SBNO1: variants seen among roughly 807,000 people sequenced by gnomAD.
SBNO1 encodes the protein strawberry notch homolog 1.
In SBNO1, 23 loss-of-function variants were observed where a neutral mutation model predicts 173.6. The observed-to-expected ratio is 0.13, with a 90% CI of 0.10 to 0.19. The LOEUF (loss-of-function observed/expected upper bound fraction) is 0.19, where lower values mean the gene tolerates loss of function less well. SBNO1 is among the 10% of genes least tolerant of loss of function. The pLI, the probability that SBNO1 is intolerant of heterozygous loss-of-function variation, is 1.00. For missense variants in SBNO1, 1,238 were observed against 1,671.2 expected, an observed-to-expected ratio of 0.74 and a Z score of 4.52; for synonymous variants, 632 against 571.5, an observed-to-expected ratio of 1.11 and a Z score of -1.51.
At chr12:123,300,874 G>A (rs1348167157) in intron 30 of SBNO1, among the ~76,000 whole-genome samples, 1 of 145,248 alleles carries the variant, frequency 6.9e-6, no homozygotes, top group African/African-American at 2.6e-5. Flanking sequence ...CAGGAGAACT[G>A]CTTGAACCTG....
At chr12:123,340,327 T>G (rs1566046478) in intron 5 of SBNO1, among the ~76,000 whole-genome samples, 1 of 152,130 alleles carries the variant, frequency 6.6e-6, no homozygotes, top group Non-Finnish European at 1.5e-5. Context: ...ACGCCTGTAA[T>G]CTCAGCACTT....
In SBNO1 at chr12:123,315,611, C is replaced by G. The variant is rs748060588; in HGVS notation, c.2985G>C (p.Leu995=). ...NQVTAPEYVF[L]ISELAGEQRF... ...TTTGTTCTCCTGCCAGTTCAGATAT[C>G]AGAAAGACATACTCAGGAGCAGTAA... is the stretch of plus-strand genomic sequence containing the variant. The change falls in exon 22 of 32, where the codon CTG becomes CTC. Residue 995 remains leucine, a synonymous_variant. Coordinates refer to ENST00000602398, the MANE Select transcript of SBNO1 (RefSeq NM_001167856.3). 1.2e-6 allele frequency: 2 copies of G among 1,613,992 alleles called. No homozygotes were observed. Among genetic ancestry groups the G allele is most frequent in the East Asian group, 2.2e-5 (1 of 44,864 alleles).
At chr12:123,338,850 G>A (rs937841489) in intron 5 of SBNO1, among the ~76,000 whole-genome samples, 3 of 151,164 alleles carry the variant, frequency 2.0e-5, no homozygotes, top group African/African-American at 4.9e-5. Flanking sequence ...TCCAGCCTGG[G>A]TGACAGCAAG....
At position 123,337,348 on chromosome 12, in the gene SBNO1, T is replaced by C. The variant is rs541220649; in HGVS notation, c.652-857A>G. Among the ~76,000 whole-genome samples, 9 of 152,324 alleles carry C rather than the reference T, an allele frequency of 5.9e-5. No individual in the cohort carries two copies. In the South Asian group the frequency reaches 1.7e-3, roughly 28 times the overall value. On this transcript the variant is annotated intron_variant, in intron 5 of 31. Coordinates refer to ENST00000602398, the MANE Select transcript of SBNO1 (RefSeq NM_001167856.3). ...CCAGTACAATCATTAGGCAACTGTTTATTAGCATGCACTTGTTCAGGGAAG... is the reference window on the plus strand; with the variant it reads ...CCAGTACAATCATTAGGCAACTGTTCATTAGCATGCACTTGTTCAGGGAAG...
At chr12:123,326,370 C>A (rs1160850237) in intron 13 of SBNO1, 36 bp from the exon 14 acceptor site, 1 of 1,405,200 alleles carries the variant, frequency 7.1e-7, no homozygotes. Flanking sequence ...GACACTTCAT[C>A]TTTGAGTCTA....
chr12:123,311,279 C>G (rs7957082), intron 24 of SBNO1, 150 bp from the exon 25 acceptor site: 2 of 636,990 alleles, frequency 3.1e-6, no homozygotes, highest in East Asian at 5.5e-5. Flanking sequence ...GTGGAGAGAA[C>G]TGCCCTTGTT....
chr12:123,349,567 G>A (rs1873639519), intron 2 of SBNO1, among the ~76,000 whole-genome samples: 1 of 129,470 alleles, frequency 7.7e-6, no homozygotes, highest in South Asian at 2.1e-4. Context: ...AGAAAATAAT[G>A]TTTTGGTTTT....
intron 4 of SBNO1, among the ~76,000 whole-genome samples, chr12:123,342,317 G>A (rs1872663312): frequency 6.6e-6 from 1 of 151,980 alleles, no homozygotes; most frequent in African/African-American, 2.4e-5. Flanking sequence ...TGGGCGTGGT[G>A]GCGGGCGCCT....
In SBNO1 at chr12:123,351,083, C is replaced by T. The variant is rs1432593639; in HGVS notation, c.1-642G>A. On this transcript the variant is annotated intron_variant, in intron 1 of 31. Transcript: ENST00000602398. Reference sequence around the variant, plus strand: ...GTTGCAGTGAGCCAAGATTGTGCCACTGCACTCCAGCCTGGGTGACAGAGC... The same window carrying T: ...GTTGCAGTGAGCCAAGATTGTGCCATTGCACTCCAGCCTGGGTGACAGAGC... Among the ~76,000 whole-genome samples, 5 of 152,042 alleles carry T rather than the reference C, an allele frequency of 3.3e-5. No homozygotes were observed. In the East Asian group the frequency reaches 9.6e-4, roughly 29 times the overall value.
chr12:123,354,722 A>T (rs993417307), intron 1 of SBNO1, among the ~76,000 whole-genome samples: 2 of 152,196 alleles, frequency 1.3e-5, no homozygotes, highest in Non-Finnish European at 2.9e-5. Flanking sequence ...ACAAAGCACC[A>T]TATAAATGCT....
chr12:123,323,058 G>C (rs535771861), intron 16 of SBNO1, among the ~76,000 whole-genome samples: 1 of 152,214 alleles, frequency 6.6e-6, no homozygotes, highest in Non-Finnish European at 1.5e-5. Flanking sequence ...ATCTTTCTGT[G>C]CTTCAATGAT....
Position 123,323,756 on chromosome 12 carries a change from G to T in SBNO1, c.2049C>A (p.Ile683=). The change falls in exon 16 of 32, where the codon ATC becomes ATA. Residue 683 remains isoleucine, a synonymous_variant. Coordinates refer to ENST00000602398, the MANE Select transcript of SBNO1 (RefSeq NM_001167856.3). The stretch of plus-strand genomic sequence containing the variant: ...TGTTGTTACTTGGAGCTGTCAAATC[G>T]ATTCCTAGTAAACTATAAAGTTTTT... ...DRKKLYSLLG[I]DLTAPSNNSS... is the part of the protein sequence containing the mutation. 1 of 1,612,370 alleles carries T rather than the reference G, an allele frequency of 6.2e-7. No homozygotes were observed. The highest frequency in any genetic ancestry group is 8.5e-7 in the Non-Finnish European group (1 of 1,179,082).
intron 28 of SBNO1, among the ~76,000 whole-genome samples, chr12:123,307,255 C>A (rs1406073419): frequency 6.6e-6 from 1 of 151,976 alleles, no homozygotes; most frequent in Non-Finnish European, 1.5e-5. Flanking sequence ...CCTTTGAGAG[C>A]TTTTCTCTAG....
intron 1 of SBNO1, among the ~76,000 whole-genome samples, chr12:123,362,498 GCTCAC>G (rs1875438722): frequency 6.9e-6 from 1 of 145,602 alleles, no homozygotes; most frequent in African/African-American, 2.5e-5. Flanking sequence ...AAGGGCGGTG[GCTCAC>G]GGCTGTAATT....
rs2048587754 is a variant in SBNO1, at chr12:123,296,066, A to T, written c.4040-16T>A. ...ATGATCAAACCTGTAATTAGTAACA[A>T]GAATTTATCAAGTTGTGTCCAGAAG... is the stretch of plus-strand genomic sequence containing the variant. On this transcript the variant is annotated splice_polypyrimidine_tract_variant and intron_variant, in intron 31 of 31. Transcript: ENST00000602398. 6.4e-7 allele frequency: 1 copy of T among 1,567,556 alleles called. No homozygotes were observed. Among genetic ancestry groups the T allele is most frequent in the East Asian group, 2.2e-5 (1 of 44,652 alleles).
intron 16 of SBNO1, among the ~76,000 whole-genome samples, chr12:123,322,249 C>T (rs1870065363): frequency 6.6e-6 from 1 of 152,156 alleles, no homozygotes; most frequent in Non-Finnish European, 1.5e-5. Flanking sequence ...CCTCCCACCT[C>T]AGCCTCCCAA....
intron 5 of SBNO1, among the ~76,000 whole-genome samples, 159 bp from the exon 6 acceptor site, chr12:123,336,650 T>A (rs972555407): frequency 6.6e-6 from 1 of 152,196 alleles, no homozygotes; most frequent in African/African-American, 2.4e-5. Flanking sequence ...ACTTCGTGGC[T>A]TTCCTGCTTC....
intron 5 of SBNO1, among the ~76,000 whole-genome samples, chr12:123,340,340 G>A (rs6488873): frequency 0.89 from 135,383 of 152,094 alleles, 60,374 homozygotes; most frequent in Middle Eastern, 0.95. Flanking sequence ...CAGCACTTTC[G>A]GAGGCTGAGG....
intron 6 of SBNO1, among the ~76,000 whole-genome samples, chr12:123,335,237 G>A (rs908603366): frequency 2.0e-5 from 3 of 152,208 alleles, no homozygotes; most frequent in South Asian, 2.1e-4. Context: ...TCAGGCATTC[G>A]AGACCAGCCT....
Sources: gnomAD v4.1 joint callset for allele counts (sites outside exome capture counted in the v4.1 genomes callset) on GRCh38, gnomAD v4.1.1 for gene constraint, MANE v1.5 for transcripts, NCBI Gene and HGNC (gene_info 2026-07-23, HGNC 2026-07-21) for gene names.